Variants in TMEM117 observed in about 807,000 individuals in gnomAD.
The protein encoded by TMEM117 is transmembrane protein 117.
TMEM117 carries 27 observed loss-of-function variants against 52.4 expected under a neutral mutation model. The ratio of observed to expected loss-of-function variants is 0.51; its 90% CI spans 0.38 to 0.71. The LOEUF (loss-of-function observed/expected upper bound fraction) is 0.71, where lower values mean the gene tolerates loss of function less well. Among genes scored for constraint, TMEM117 ranks in the 30% least tolerant of loss-of-function variants. The probability of loss-of-function intolerance (pLI) is 0.00; values close to 1 mark genes in which losing one functional copy is unlikely to be tolerated. For missense variants in TMEM117, 556 were observed against 630.5 expected (o/e 0.88, Z 1.26); for synonymous variants, 215 against 206.3 (o/e 1.04, Z -0.36).
intron 3 of TMEM117, among the ~76,000 whole-genome samples, chr12:44,024,406 T>G (rs1946500562): frequency 6.6e-6 from 1 of 152,184 alleles, no homozygotes; most frequent in African/African-American, 2.4e-5. Context: ...AGTACTTATT[T>G]CTGTGATGAG....
chr12:44,325,675 CTGAGTTT>C (rs1188699269), intron 6 of TMEM117, among the ~76,000 whole-genome samples: 1 of 151,850 alleles, frequency 6.6e-6, no homozygotes, highest in African/African-American at 2.4e-5. Context: ...CATATTTGTT[CTGAGTTT>C]TATTTGTTGA....
intron 2 of TMEM117, among the ~76,000 whole-genome samples, chr12:43,933,054 A>C (rs1488849913): frequency 6.6e-6 from 1 of 152,170 alleles, no homozygotes; most frequent in Non-Finnish European, 1.5e-5. Flanking sequence ...ACTATTCTTG[A>C]CAATTTAACT....
chr12:44,063,515 C>T (rs935801543), intron 3 of TMEM117, among the ~76,000 whole-genome samples: 1 of 151,766 alleles, frequency 6.6e-6, no homozygotes, highest in Non-Finnish European at 1.5e-5. Flanking sequence ...ATGTGCACAA[C>T]GTACAGGTTT....
At chr12:44,091,686 G>A (rs1428307988) in intron 3 of TMEM117, among the ~76,000 whole-genome samples, 4 of 152,152 alleles carry the variant, frequency 2.6e-5, no homozygotes, top group African/African-American at 9.7e-5. Context: ...ACAGAGGGCA[G>A]AATACAATCA....
intron 5 of TMEM117, among the ~76,000 whole-genome samples, chr12:44,216,054 C>T (rs142792339): frequency 7.3e-6 from 1 of 137,114 alleles, no homozygotes; most frequent in East Asian, 2.1e-4. Context: ...GTCACCCAGG[C>T]TGGAGTACAG....
At chr12:44,210,342 C>T (rs1419958842) in intron 4 of TMEM117, among the ~76,000 whole-genome samples, 1 of 152,038 alleles carries the variant, frequency 6.6e-6, no homozygotes, top group Non-Finnish European at 1.5e-5. Flanking sequence ...TTTAAAATAC[C>T]TTTCTAATAG....
Position 44,258,436 on chromosome 12 carries a change from T to C in TMEM117, c.609-41144T>C, listed in dbSNP as rs928543635. ...TCATTCACTTATGGAAAACATTTTT[T>C]CTTCTTCCCTCATGACATATGGTGT... is the stretch of plus-strand genomic sequence containing the variant. On this transcript the variant is annotated intron_variant, in intron 5 of 7. Coordinates refer to ENST00000266534, the MANE Select transcript of TMEM117 (RefSeq NM_032256.3). 5.3e-5 allele frequency among the ~76,000 whole-genome samples: 8 copies of C among 152,234 alleles called. No individual in the cohort carries two copies. The South Asian group carries it at 1.7e-3, about 32-fold the overall frequency.
intron 3 of TMEM117, among the ~76,000 whole-genome samples, chr12:44,089,778 A>G (rs899533310): frequency 3.3e-5 from 5 of 152,192 alleles, no homozygotes; most frequent in African/African-American, 1.2e-4. Context: ...TTTTTCTTAA[A>G]GACAGTAAGT....
intron 3 of TMEM117, among the ~76,000 whole-genome samples, chr12:43,995,072 C>T (rs1472729989): frequency 3.3e-5 from 5 of 151,930 alleles, no homozygotes; most frequent in African/African-American, 9.7e-5. Context: ...GTCAGGAGAT[C>T]GAGATCATGC....
chr12:44,085,019 A>G (rs1004536382), intron 3 of TMEM117, among the ~76,000 whole-genome samples: 3 of 152,210 alleles, frequency 2.0e-5, no homozygotes, highest in Non-Finnish European at 2.9e-5. Context: ...AGCACCTGAT[A>G]TATAGGAAGT....
At chr12:44,177,758 A>T (rs772645013) in intron 4 of TMEM117, among the ~76,000 whole-genome samples, 2 of 152,162 alleles carry the variant, frequency 1.3e-5, no homozygotes, top group African/African-American at 2.4e-5. Flanking sequence ...GAATTTCATG[A>T]TTATTTTGTT....
intron 3 of TMEM117, among the ~76,000 whole-genome samples, chr12:44,127,619 T>G (rs1250902578): frequency 6.6e-6 from 1 of 151,974 alleles, no homozygotes; most frequent in Non-Finnish European, 1.5e-5. Flanking sequence ...GAGGTTGTGA[T>G]GAGCTGAGAT....
intron 3 of TMEM117, among the ~76,000 whole-genome samples, chr12:44,133,236 A>C (rs1948441980): frequency 6.6e-6 from 1 of 152,216 alleles, no homozygotes; most frequent in South Asian, 2.1e-4. Context: ...CATGTTGACA[A>C]CATGAGTGGC....
At chr12:43,929,555 T>G (rs1185284298) in intron 2 of TMEM117, among the ~76,000 whole-genome samples, 1 of 152,192 alleles carries the variant, frequency 6.6e-6, no homozygotes, top group African/African-American at 2.4e-5. Flanking sequence ...ACAAACTTCA[T>G]ATACTTAAGT....
At chr12:44,086,636 C>T (rs1203146899) in intron 3 of TMEM117, among the ~76,000 whole-genome samples, 1 of 152,092 alleles carries the variant, frequency 6.6e-6, no homozygotes, top group Non-Finnish European at 1.5e-5. Context: ...TTTGCTTTCT[C>T]AGTTTCTGGC....
At chr12:43,848,918 G>A (rs1592304353) in intron 2 of TMEM117, among the ~76,000 whole-genome samples, 1 of 152,276 alleles carries the variant, frequency 6.6e-6, no homozygotes, top group East Asian at 1.9e-4. Flanking sequence ...CTAAAGATTT[G>A]GATGAAACTC....
At chr12:43,798,579 C>G in the TMEM117 span, 1 of 1,523,348 alleles carries the variant, frequency 6.6e-7, no homozygotes, top group Non-Finnish European at 8.8e-7. Flanking sequence ...ATATGATCCT[C>G]TGGGCTCTGA....
At chr12:44,230,953 ACACATACACACAT>A (rs1949924697) in intron 5 of TMEM117, among the ~76,000 whole-genome samples, 4 of 152,154 alleles carry the variant, frequency 2.6e-5, no homozygotes, top group Admixed American at 6.6e-5. Context: ...ACACACATAC[ACACATACACACAT>A]GTGTTAAAAA....
chr12:44,378,725 C>T (rs1278024638), intron 7 of TMEM117, among the ~76,000 whole-genome samples: 1 of 152,110 alleles, frequency 6.6e-6, no homozygotes. Context: ...ATGCTGATGG[C>T]CAAGTCATCA....
Sources: allele counts gnomAD v4.1 joint callset (sites outside exome capture counted in the v4.1 genomes callset), GRCh38; gene constraint gnomAD v4.1.1; transcripts MANE v1.5; gene names NCBI Gene and HGNC (gene_info 2026-07-23, HGNC 2026-07-21).